The following BPHL variants were observed in gnomAD, a reference collection of about 807,000 sequenced individuals.
BPHL encodes biphenyl hydrolase like, also known as serine hydrolase BPHL.
In BPHL, 27 loss-of-function variants were observed where a neutral mutation model predicts 31.2. That is an observed-to-expected ratio of 0.87 (90% CI 0.64 to 1.19). The LOEUF (loss-of-function observed/expected upper bound fraction) is 1.19, where lower values mean the gene tolerates loss of function less well. Among genes scored for constraint, BPHL ranks in the 50% most tolerant of loss-of-function variants. The pLI is 0.00. For missense variants in BPHL, 356 were observed against 375.7 expected (o/e 0.95, Z 0.43); for synonymous variants, 150 against 146.8 (o/e 1.02, Z -0.16).
chr6:3,125,239 T>C (rs1761682870), intron 2 of BPHL, among the ~76,000 whole-genome samples: 1 of 152,058 alleles, frequency 6.6e-6, no homozygotes, highest in Non-Finnish European at 1.5e-5. Flanking sequence ...GAGACGAGAT[T>C]TCACCATGTT....
chr6:3,140,533 A>G lies in BPHL; in HGVS notation c.788+24A>G, dbSNP rs374256702. 4 of 1,609,244 alleles carry G rather than the reference A, an allele frequency of 2.5e-6. No homozygotes were observed. The African/African-American group carries it at 4.0e-5, about 16-fold the overall frequency. ...CGGTAAGTCCTGTCACCGCCTTCACACTCCCCCCGAGAGCCTCGGAGTCAA... is the reference window on the plus strand; with the variant it reads ...CGGTAAGTCCTGTCACCGCCTTCACGCTCCCCCCGAGAGCCTCGGAGTCAA... On this transcript the variant is annotated intron_variant, in intron 6 of 6. Transcript: ENST00000380379. The surrounding 1 kb of genome is among the most constrained non-coding windows in gnomAD (Gnocchi z 5.2).
intron 3 of BPHL, among the ~76,000 whole-genome samples, chr6:3,128,241 A>G (rs1167032475): frequency 2.6e-5 from 4 of 152,160 alleles, no homozygotes; most frequent in African/African-American, 4.8e-5. Flanking sequence ...TTTTGCCACT[A>G]TAAACAGTAT....
At chr6:3,146,182 G>T (rs373076297) in intron 6 of BPHL, among the ~76,000 whole-genome samples, 19 of 33,176 alleles carry the variant, frequency 5.7e-4, no homozygotes, top group South Asian at 1.6e-3. Context: ...CTGGTTCGGG[G>T]TGGAGTGCTG....
chr6:3,146,085 A>G (rs188268525), intron 6 of BPHL, among the ~76,000 whole-genome samples: 367 of 4,906 alleles, frequency 0.075, no homozygotes, highest in Admixed American at 0.11. Context: ...TGGAGTGCTG[A>G]TGTGGGTTGG....
At chr6:3,134,360 T>G (rs1761949966) in intron 4 of BPHL, among the ~76,000 whole-genome samples, 1 of 151,866 alleles carries the variant, frequency 6.6e-6, no homozygotes, top group African/African-American at 2.4e-5. Context: ...TGCCTTTTTC[T>G]TTATGGGCAG....
chr6:3,137,564 A>G, intron 5 of BPHL, 71 bp downstream of exon 5: 1 of 1,587,948 alleles, frequency 6.3e-7, no homozygotes. Flanking sequence ...AGTGTTCTGG[A>G]ATTGCTCAGT....
chr6:3,144,274 A>G (rs1762260169), intron 6 of BPHL, among the ~76,000 whole-genome samples: 1 of 151,430 alleles, frequency 6.6e-6, no homozygotes, highest in African/African-American at 2.4e-5. Context: ...TCACGGCGTT[A>G]GCCAGGATGG....
At chr6:3,134,678 C>T (rs185526134) in intron 4 of BPHL, among the ~76,000 whole-genome samples, 97 of 151,044 alleles carry the variant, frequency 6.4e-4, no homozygotes, top group Admixed American at 1.1e-3. Context: ...TCTCGGCTCA[C>T]TGCAAACTCC....
chr6:3,120,401 G>T (rs533358298), intron 1 of BPHL, among the ~76,000 whole-genome samples: 1 of 152,246 alleles, frequency 6.6e-6, no homozygotes, highest in Non-Finnish European at 1.5e-5. Context: ...TTGCATTGCA[G>T]ATCATTCTTC....
At chr6:3,131,531 G>C (rs1761868099) in intron 4 of BPHL, among the ~76,000 whole-genome samples, 1 of 152,206 alleles carries the variant, frequency 6.6e-6, no homozygotes, top group East Asian at 1.9e-4. Flanking sequence ...GCTTCATATG[G>C]TAGTTTGTTC....
At position 3,129,131 on chromosome 6, in the gene BPHL, C is replaced by A. The variant is rs1761796434; in HGVS notation, c.465C>A (p.Tyr155Ter). Residue 155 changes from tyrosine (Y) to a stop codon, truncating the protein, a stop_gained, in exon 4 of 7, where the codon TAC becomes TAA. Transcript: ENST00000380379. LOFTEE classifies it high-confidence loss of function. Reference sequence around the variant, plus strand: ...TTGCTGCTGCAAAATATCCATCTTACATCCACAAGATGGTGATCTGGGGCG... The same window carrying A: ...TTGCTGCTGCAAAATATCCATCTTAAATCCACAAGATGGTGATCTGGGGCG... ...ALIAAAKYPS[Y>*]IHKMVIWGAN... The A allele has an allele frequency of 1.2e-6, 2 of 1,613,266 alleles. No individual in the cohort carries two copies. The highest frequency in any genetic ancestry group is 1.7e-5 in the Admixed American group (1 of 59,952).
At chr6:3,128,917 G>A (rs1761789055) in intron 3 of BPHL, 128 bp from the exon 4 acceptor site, 3 of 1,384,380 alleles carry the variant, frequency 2.2e-6, no homozygotes, top group Admixed American at 3.5e-5. Context: ...TGGACTCTAG[G>A]GTTTTTCTTT....
At chr6:3,120,853 G>A (rs1209629659) in intron 1 of BPHL, among the ~76,000 whole-genome samples, 1 of 152,204 alleles carries the variant, frequency 6.6e-6, no homozygotes, top group Non-Finnish European at 1.5e-5. Context: ...CTGTCCTTCT[G>A]CTGACGCTTG....
In BPHL at chr6:3,137,402, G is replaced by A. The variant is rs2231367; in HGVS notation, c.573G>A (p.Lys191=). The change falls in exon 5 of 7, where the codon AAG becomes AAA. Residue 191 remains lysine, a synonymous_variant. Coordinates refer to ENST00000380379, the MANE Select transcript of BPHL (RefSeq NM_004332.4). ...DVSKWSERTR[K]PLEALYGYDY... Reference sequence around the variant, plus strand: ...CCAAATGGAGTGAGAGAACAAGAAAGCCTCTAGAAGCCCTCTATGGGTATG... The same window carrying A: ...CCAAATGGAGTGAGAGAACAAGAAAACCTCTAGAAGCCCTCTATGGGTATG... 10,887 of 1,612,496 alleles carry A rather than the reference G, an allele frequency of 6.8e-3. 648 individuals are homozygous for A. The African/African-American group carries it at 0.13, about 19-fold the overall frequency.
intron 3 of BPHL, among the ~76,000 whole-genome samples, chr6:3,128,018 A>G (rs1274275925): frequency 1.3e-5 from 2 of 152,174 alleles, no homozygotes; most frequent in Non-Finnish European, 2.9e-5. Flanking sequence ...ACAGGGTTTC[A>G]TCGCATTAGT....
At chr6:3,138,308 A>G (rs1402837285) in intron 5 of BPHL, 3 of 186,112 alleles carry the variant, frequency 1.6e-5, no homozygotes, top group Non-Finnish European at 3.4e-5. Context: ...CTGAGACACC[A>G]TGCCCAGCCT....
chr6:3,130,498 T>C (rs900042800), intron 4 of BPHL, among the ~76,000 whole-genome samples: 14 of 152,116 alleles, frequency 9.2e-5, no homozygotes, highest in Admixed American at 9.2e-4. Flanking sequence ...CCTGCCAGCC[T>C]GGCCCACCAG....
intron 4 of BPHL, among the ~76,000 whole-genome samples, chr6:3,134,603 ATT>A (rs556567574): frequency 9.4e-5 from 12 of 127,598 alleles, no homozygotes; most frequent in Admixed American, 1.6e-4. Flanking sequence ...CACCTGGCTA[ATT>A]TTTTTTTTTT....
intron 6 of BPHL, among the ~76,000 whole-genome samples, chr6:3,144,875 G>A (rs989925260): frequency 6.6e-6 from 1 of 152,214 alleles, no homozygotes; most frequent in Admixed American, 6.5e-5. Context: ...GGGGTCACCA[G>A]TGCAGGACCA....
Sources: gnomAD v4.1 joint callset for allele counts (sites outside exome capture counted in the v4.1 genomes callset) on GRCh38, gnomAD v4.1.1 for gene constraint, Gnocchi (gnomAD v3.1) non-coding constraint, MANE v1.5 for transcripts, NCBI Gene and HGNC (gene_info 2026-07-23, HGNC 2026-07-21) for gene names.